Variants in GULP1 observed in about 807,000 individuals in gnomAD.
GULP1 encodes the protein GULP PTB domain containing engulfment adaptor 1.
GULP1 carries 19 observed loss-of-function variants against 40.9 expected under a neutral mutation model. The observed-to-expected ratio is 0.46, with a 90% CI of 0.32 to 0.68. The LOEUF (loss-of-function observed/expected upper bound fraction) is 0.68. Among genes scored for constraint, GULP1 ranks in the 30% least tolerant of loss-of-function variants. GULP1 has a pLI of 0.03. For missense variants in GULP1, 312 were observed against 362.2 expected, an observed-to-expected ratio of 0.86 and a Z score of 1.12; for synonymous variants, 119 against 117.6, an observed-to-expected ratio of 1.01 and a Z score of -0.08.
intron 1 of GULP1, among the ~76,000 whole-genome samples, chr2:188,376,086 T>A (rs1234082853): frequency 6.6e-6 from 1 of 152,124 alleles, no homozygotes; most frequent in Non-Finnish European, 1.5e-5. Flanking sequence ...CCAAGTGTAT[T>A]TATTAAAAAA....
rs780946027 is a variant in GULP1 at position 188,522,773 on chromosome 2, A to G, written c.108A>G (p.Glu36=). Residue 36 remains glutamate (E), a synonymous_variant, in exon 5 of 12, where the codon GAA becomes GAG. Coordinates refer to ENST00000409830, the MANE Select transcript of GULP1 (RefSeq NM_016315.4). ...ATTTTCAGTTTCTTGGCAGTACAGAAGTGGAACAGCCAAAAGGAACAGAAG... is the reference window on the plus strand; with the variant it reads ...ATTTTCAGTTTCTTGGCAGTACAGAGGTGGAACAGCCAAAAGGAACAGAAG... The part of the protein sequence containing the change: ...PYNAKFLGST[E]VEQPKGTEVV... The G allele has an allele frequency of 7.4e-6, 12 of 1,610,932 alleles. No homozygotes were observed. The South Asian group carries it at 1.1e-4, about 15-fold the overall frequency.
intron 2 of GULP1, among the ~76,000 whole-genome samples, chr2:188,393,436 A>G (rs1006315100): frequency 8.6e-5 from 13 of 151,922 alleles, no homozygotes; most frequent in African/African-American, 2.9e-4. Context: ...GTCTTTATCC[A>G]TCCTTTTATC....
At chr2:188,582,047 A>T (rs550319233) in intron 9 of GULP1, among the ~76,000 whole-genome samples, 1 of 152,162 alleles carries the variant, frequency 6.6e-6, no homozygotes, top group South Asian at 2.1e-4. Context: ...GGCTTTCTTC[A>T]TGTTTCTCTC....
chr2:188,479,337 A>T (rs370334944), intron 3 of GULP1, among the ~76,000 whole-genome samples: 2 of 152,274 alleles, frequency 1.3e-5, no homozygotes, highest in African/African-American at 4.8e-5. Flanking sequence ...CATTGATTAT[A>T]GTCTGTAGCT....
chr2:188,524,289 G>T (rs1470230873), intron 5 of GULP1, among the ~76,000 whole-genome samples: 1 of 152,068 alleles, frequency 6.6e-6, no homozygotes, highest in East Asian at 1.9e-4. Context: ...TCTAAACAAT[G>T]ACGAGTTTAC....
chr2:188,403,985 C>G (rs745708635), intron 2 of GULP1, among the ~76,000 whole-genome samples: 1 of 152,106 alleles, frequency 6.6e-6, no homozygotes, highest in Non-Finnish European at 1.5e-5. Flanking sequence ...TGAAATTGCT[C>G]TTTTTCAGTG....
intron 5 of GULP1, 45 bp downstream of exon 5, chr2:188,522,872 C>A: frequency 8.3e-7 from 1 of 1,197,880 alleles, no homozygotes; most frequent in South Asian, 1.2e-5. Flanking sequence ...TTGACTCTGT[C>A]ATGTTTTCAG....
At chr2:188,460,495 T>C (rs1015029258) in intron 2 of GULP1, among the ~76,000 whole-genome samples, 5 of 152,116 alleles carry the variant, frequency 3.3e-5, no homozygotes, top group Non-Finnish European at 2.9e-5. Context: ...GATTTTTATG[T>C]TCTACAATTT....
At chr2:188,325,207 A>G (rs2040581346) in intron 1 of GULP1, among the ~76,000 whole-genome samples, 1 of 152,086 alleles carries the variant, frequency 6.6e-6, no homozygotes, top group Admixed American at 6.6e-5. Flanking sequence ...AATCATGTTG[A>G]TAGTCTAATT....
chr2:188,585,746 C>T (rs1333835391), intron 10 of GULP1, among the ~76,000 whole-genome samples: 3 of 152,174 alleles, frequency 2.0e-5, no homozygotes, highest in African/African-American at 7.2e-5. Context: ...GGCCTCTGGA[C>T]CTTTGATGGG....
chr2:188,541,192 C>T lies in GULP1; in HGVS notation c.273C>T (p.His91=). The T allele has an allele frequency of 6.2e-7, 1 of 1,612,740 alleles. No individual in the cohort carries two copies. Among genetic ancestry groups the T allele is most frequent in the Non-Finnish European group, 8.5e-7 (1 of 1,178,896 alleles). Reference sequence around the variant, plus strand: ...ATCTGTGTTCACAGGAAGTTCAACACAATTGCCAGCTTCATAGAATATCTT... The same window carrying T: ...ATCTGTGTTCACAGGAAGTTCAACATAATTGCCAGCTTCATAGAATATCTT... ...ILEPKTKEVQ[H]NCQLHRISFC... The change falls in exon 7 of 12, where the codon CAC becomes CAT. Residue 91 remains histidine, a synonymous_variant. Coordinates refer to ENST00000409830, the MANE Select transcript of GULP1 (RefSeq NM_016315.4).
chr2:188,334,074 G>A (rs1341212110), intron 1 of GULP1, among the ~76,000 whole-genome samples: 1 of 152,238 alleles, frequency 6.6e-6, no homozygotes, highest in East Asian at 1.9e-4. Flanking sequence ...CTTTTTAAAT[G>A]TTCTTCTGAC....
At chr2:188,459,913 T>C (rs1484247756) in intron 2 of GULP1, among the ~76,000 whole-genome samples, 2 of 152,174 alleles carry the variant, frequency 1.3e-5, no homozygotes, top group African/African-American at 4.8e-5. Flanking sequence ...TTTTTCCCAG[T>C]GTATGTTTTT....
chr2:188,457,551 T>G (rs2059367756), intron 2 of GULP1, among the ~76,000 whole-genome samples: 1 of 152,206 alleles, frequency 6.6e-6, no homozygotes, highest in Non-Finnish European at 1.5e-5. Flanking sequence ...CCTCTTTCTC[T>G]TGTAAATTGC....
At chr2:188,309,865 A>G (rs1203545230) in intron 1 of GULP1, among the ~76,000 whole-genome samples, 2 of 152,206 alleles carry the variant, frequency 1.3e-5, no homozygotes, top group Non-Finnish European at 2.9e-5. Flanking sequence ...ATTTTTTGCT[A>G]TGTGCCAACT....
At chr2:188,303,803 A>T (rs1446964172) in intron 1 of GULP1, among the ~76,000 whole-genome samples, 1 of 152,200 alleles carries the variant, frequency 6.6e-6, no homozygotes, top group Non-Finnish European at 1.5e-5. Flanking sequence ...TGCAATAAAC[A>T]TGCTTGAGAT....
At chr2:188,354,431 C>T (rs777760852) in intron 1 of GULP1, among the ~76,000 whole-genome samples, 7 of 152,172 alleles carry the variant, frequency 4.6e-5, no homozygotes, top group Non-Finnish European at 8.8e-5. Context: ...GTCTGAACTG[C>T]GAGGGTGCCT....
At chr2:188,391,754 A>G (rs1205492578) in intron 2 of GULP1, among the ~76,000 whole-genome samples, 1 of 151,978 alleles carries the variant, frequency 6.6e-6, no homozygotes, top group African/African-American at 2.4e-5. Flanking sequence ...TTTGTGTTAT[A>G]TGGCTTTTAT....
In GULP1 at chr2:188,594,603, GTATTTAGAGTATT is replaced by G. The variant is rs1289407917; in HGVS notation, c.*597_*609del. The G allele has an allele frequency of 6.6e-6, 1 of 151,542 alleles. No homozygotes were observed. Among genetic ancestry groups the G allele is most frequent in the Non-Finnish European group, 1.5e-5 (1 of 67,712 alleles). The allele number at this position is 151,542 out of a possible 1,614,324, so 9.4% of individuals were successfully genotyped here. A position where few individuals can be genotyped will look rare whatever the true frequency, so the allele number is the denominator to read the frequency against. On this transcript the variant is annotated 3_prime_UTR_variant, in exon 12 of 12. Coordinates refer to ENST00000409830, the MANE Select transcript of GULP1 (RefSeq NM_016315.4). ...TATAAATTCCAATAATAAACCAAAT[GTATTTAGAGTATT>G]TATTAGTAAATGCAAGGTGATGTTA...
Sources: gnomAD v4.1 joint callset for allele counts (sites outside exome capture counted in the v4.1 genomes callset) on GRCh38, gnomAD v4.1.1 for gene constraint, MANE v1.5 for transcripts, NCBI Gene and HGNC (gene_info 2026-07-23, HGNC 2026-07-21) for gene names.